The following RSRC1 variants were observed in gnomAD, a reference collection of about 807,000 sequenced individuals.
RSRC1 encodes serine/Arginine-related protein 53.
A neutral mutation model predicts 49.1 loss-of-function variants in RSRC1; 39 were observed. That is an observed-to-expected ratio of 0.79 (90% CI 0.61 to 1.04). The LOEUF (loss-of-function observed/expected upper bound fraction) is 1.04, where lower values mean the gene tolerates loss of function less well. RSRC1 is among the 50% of genes least tolerant of loss of function. RSRC1 has a pLI of 0.00. For synonymous variants in RSRC1, 143 were observed against 130.8 expected (o/e 1.09, Z -0.63); for missense variants, 388 against 402.4 (o/e 0.96, Z 0.31).
intron 7 of RSRC1, among the ~76,000 whole-genome samples, chr3:158,503,233 G>GT (rs1739688497): frequency 2.6e-5 from 4 of 152,292 alleles, no homozygotes; most frequent in Admixed American, 2.6e-4. Flanking sequence ...GTCCTATGAT[G>GT]TAAATCATCT....
chr3:158,416,251 T>C (rs1449060462), intron 6 of RSRC1, among the ~76,000 whole-genome samples: 1 of 152,058 alleles, frequency 6.6e-6, no homozygotes, highest in African/African-American at 2.4e-5. Flanking sequence ...TCAATTTGTG[T>C]CAGTTTGAAA....
chr3:158,382,753 C>T (rs563756045), intron 6 of RSRC1, among the ~76,000 whole-genome samples: 2 of 152,320 alleles, frequency 1.3e-5, no homozygotes, highest in African/African-American at 4.8e-5. Context: ...TTTCTTACTA[C>T]ACAAAGGTCT....
intron 6 of RSRC1, among the ~76,000 whole-genome samples, chr3:158,409,034 A>G (rs1734291307): frequency 6.6e-6 from 1 of 151,664 alleles, no homozygotes; most frequent in Non-Finnish European, 1.5e-5. Context: ...TTCCGTCTGA[A>G]TAATAATAAT....
intron 4 of RSRC1, among the ~76,000 whole-genome samples, chr3:158,237,593 A>G (rs924694169): frequency 2.0e-5 from 3 of 152,210 alleles, no homozygotes; most frequent in African/African-American, 4.8e-5. Flanking sequence ...GATGTTAAAT[A>G]GTTTTCAATG....
intron 4 of RSRC1, among the ~76,000 whole-genome samples, chr3:158,270,345 A>G (rs1479951618): frequency 6.6e-6 from 1 of 152,152 alleles, no homozygotes; most frequent in African/African-American, 2.4e-5. Context: ...GGAACCCGAC[A>G]AAAGGATAGG....
At position 158,544,338 on chromosome 3, in the gene RSRC1, C is replaced by A; in HGVS notation, c.*63C>A. The A allele has an allele frequency of 9.4e-7, 1 of 1,064,630 alleles. No homozygotes were observed. 65.9% of individuals were successfully genotyped at this position (1,064,630 alleles called of 1,614,324 possible). A position where few individuals can be genotyped will look rare whatever the true frequency, so the allele number is the denominator to read the frequency against. On this transcript the variant is annotated 3_prime_UTR_variant, in exon 10 of 10. Transcript: ENST00000611884. ...ACATTGGAAATTTAGGTTTTTAAAT[C>A]CCAATATTAACTTTTTACTCTTAAA...
intron 4 of RSRC1, among the ~76,000 whole-genome samples, chr3:158,239,302 C>T (rs1181382957): frequency 6.6e-6 from 1 of 152,166 alleles, no homozygotes; most frequent in Non-Finnish European, 1.5e-5. Context: ...GACAGTGTGT[C>T]AATTACTCAA....
chr3:158,401,919 A>T (rs571665867), intron 6 of RSRC1, among the ~76,000 whole-genome samples: 1 of 151,664 alleles, frequency 6.6e-6, no homozygotes, highest in Non-Finnish European at 1.5e-5. Flanking sequence ...GCAGTGTGAA[A>T]TATGTGGAAA....
chr3:158,488,819 TGCTATC>T (rs1738941061), intron 7 of RSRC1, among the ~76,000 whole-genome samples: 1 of 152,212 alleles, frequency 6.6e-6, no homozygotes, highest in Non-Finnish European at 1.5e-5. Flanking sequence ...TTTATCTAAT[TGCTATC>T]AAAGACATTA....
intron 4 of RSRC1, among the ~76,000 whole-genome samples, chr3:158,266,767 T>G (rs986734177): frequency 6.6e-6 from 1 of 152,090 alleles, no homozygotes; most frequent in Non-Finnish European, 1.5e-5. Flanking sequence ...CTCTTTTTGA[T>G]ACAGGGTTTC....
At chr3:158,387,708 A>G (rs1733041643) in intron 6 of RSRC1, among the ~76,000 whole-genome samples, 1 of 152,126 alleles carries the variant, frequency 6.6e-6, no homozygotes, top group African/African-American at 2.4e-5. Context: ...ATATCATGAA[A>G]ACCTTTTAGT....
chr3:158,531,341 G>C (rs1377363051), intron 7 of RSRC1, among the ~76,000 whole-genome samples: 1 of 151,972 alleles, frequency 6.6e-6, no homozygotes, highest in African/African-American at 2.4e-5. Flanking sequence ...CAGGTGAGAA[G>C]AGTTGAATGA....
At chr3:158,432,166 C>T (rs750765083) in intron 6 of RSRC1, among the ~76,000 whole-genome samples, 9 of 151,856 alleles carry the variant, frequency 5.9e-5, no homozygotes, top group African/African-American at 1.2e-4. Context: ...ATTGCACCTC[C>T]GGCTATGTTC....
intron 6 of RSRC1, among the ~76,000 whole-genome samples, chr3:158,459,077 ATAC>A (rs1158230848): frequency 1.3e-5 from 2 of 152,140 alleles, no homozygotes; most frequent in Non-Finnish European, 2.9e-5. Flanking sequence ...ATTATTATCT[ATAC>A]TATTTCAACA....
At chr3:158,274,258 G>C (rs1725680588) in intron 4 of RSRC1, among the ~76,000 whole-genome samples, 1 of 151,982 alleles carries the variant, frequency 6.6e-6, no homozygotes, top group Admixed American at 6.6e-5. Flanking sequence ...AAAATTCAAT[G>C]CCTGTAAAAC....
At chr3:158,279,482 T>A (rs1726011760) in intron 4 of RSRC1, among the ~76,000 whole-genome samples, 1 of 152,254 alleles carries the variant, frequency 6.6e-6, no homozygotes, top group Non-Finnish European at 1.5e-5. Flanking sequence ...GGATTTGGCC[T>A]ATGGGCCGTA....
At chr3:158,437,132 T>C (rs1736084875) in intron 6 of RSRC1, among the ~76,000 whole-genome samples, 1 of 151,832 alleles carries the variant, frequency 6.6e-6, no homozygotes, top group Admixed American at 6.6e-5. Flanking sequence ...AAAAAAACCT[T>C]TGGATGGGGA....
chr3:158,193,381 A>C (rs186890678), intron 3 of RSRC1, among the ~76,000 whole-genome samples: 2 of 152,226 alleles, frequency 1.3e-5, no homozygotes, highest in South Asian at 2.1e-4. Flanking sequence ...TTTAATAAAA[A>C]GGGGCAAATG....
intron 3 of RSRC1, among the ~76,000 whole-genome samples, chr3:158,186,822 C>G (rs532041643): frequency 3.2e-4 from 48 of 151,790 alleles, no homozygotes; most frequent in African/African-American, 1.1e-3. Flanking sequence ...CCTTTAATAT[C>G]TTTTCTTAAA....
Sources: gnomAD v4.1 joint callset for allele counts (sites outside exome capture counted in the v4.1 genomes callset) on GRCh38, gnomAD v4.1.1 for gene constraint, MANE v1.5 for transcripts, NCBI Gene and HGNC (gene_info 2026-07-23, HGNC 2026-07-21) for gene names.